THBS2: variants seen among roughly 807,000 people sequenced by gnomAD.
THBS2 encodes thrombospondin-2.
Under a neutral mutation model 135.2 loss-of-function variants are expected in THBS2, and 47 were observed. That is an observed-to-expected ratio of 0.35 (90% CI 0.28 to 0.44). The LOEUF (loss-of-function observed/expected upper bound fraction) is 0.44, where lower values mean the gene tolerates loss of function less well. Ranked by LOEUF, THBS2 falls within the 20% of genes least tolerant of loss-of-function variation. THBS2 has a pLI of 1.00. For missense variants in THBS2, 1,288 were observed against 1,603.1 expected (o/e 0.80, Z 3.36); for synonymous variants, 639 against 633.8 (o/e 1.01, Z -0.12).
chr6:169,237,784 C>T lies in THBS2; in HGVS notation c.1141G>A (p.Glu381Lys). Residue 381 changes from glutamate (E) to lysine (K), a missense_variant, in exon 8 of 22, where the codon GAG becomes AAG. By Grantham distance (56) the Glu-to-Lys change is moderately conservative. This residue lies in a region of THBS2 where 874 missense variants were observed against 1,156.1 expected (regional missense o/e 0.76). Coordinates refer to ENST00000617924, the MANE Select transcript of THBS2 (RefSeq NM_003247.5). ...CPSCLHSVDG[E>K]EGWSPWAEWT... ...TCTGCCCACGGAGACCAGCCCTCCT[C>T]ACCGTCCACCGCTGCCAGAGGAAGC... is the stretch of plus-strand genomic sequence containing the variant. The T allele has an allele frequency of 6.2e-7, 1 of 1,609,962 alleles. No homozygotes were observed. Among genetic ancestry groups the T allele is most frequent in the Non-Finnish European group, 8.5e-7 (1 of 1,179,558 alleles).
At chr6:169,226,010 G>A (rs540326959) in intron 16 of THBS2, among the ~76,000 whole-genome samples, 170 bp downstream of exon 16, 25 of 152,364 alleles carry the variant, frequency 1.6e-4, no homozygotes, top group Non-Finnish European at 3.1e-4. Context: ...AACTCCCAAG[G>A]CCCCATGGAG....
chr6:169,231,689 T>C (rs1779838871), intron 13 of THBS2, among the ~76,000 whole-genome samples: 1 of 152,220 alleles, frequency 6.6e-6, no homozygotes, highest in Non-Finnish European at 1.5e-5. Flanking sequence ...GCGTCCTCCC[T>C]CTGCTCAGTT....
Position 169,222,488 on chromosome 6 carries a change from GT to G in THBS2, c.3002-21del. 6.2e-7 allele frequency: 1 copy of G among 1,604,826 alleles called. No homozygotes were observed. Among genetic ancestry groups the G allele is most frequent in the South Asian group, 1.1e-5 (1 of 90,148 alleles). ...CAAAACCTGGATGCAACGCCATAAG[GT>G]TTCGTTAGAAACACCTTTCAGGTGG... On this transcript the variant is annotated intron_variant, in intron 18 of 21. Coordinates refer to ENST00000617924, the MANE Select transcript of THBS2 (RefSeq NM_003247.5).
At position 169,222,517 on chromosome 6, in the gene THBS2, G is replaced by T. The variant is rs776905275; in HGVS notation, c.3002-49C>A. ...CGTTAGAAACACCTTTCAGGTGGCC[G>T]GGAGTAGTGACTCATGCCTGTAATC... On this transcript the variant is annotated intron_variant, in intron 18 of 21. Transcript: ENST00000617924. 4 of 1,578,504 alleles carry T rather than the reference G, an allele frequency of 2.5e-6. No homozygotes were observed. In the South Asian group the frequency reaches 4.8e-5, roughly 19 times the overall value.
At chr6:169,231,114 T>C (rs941502610) in intron 13 of THBS2, among the ~76,000 whole-genome samples, 1 of 152,118 alleles carries the variant, frequency 6.6e-6, no homozygotes, top group Non-Finnish European at 1.5e-5. Flanking sequence ...GGATGTCACC[T>C]GATATGGCTG....
rs369848438 is a variant in THBS2, at chr6:169,232,202, C to T, written c.1933-4G>A. ...ATGGGTTTTCGGGCTCACACACCTA[C>T]GGGGAGAAGGGCTGCGGGGTTAGCG... On this transcript the variant is annotated splice_polypyrimidine_tract_variant and splice_region_variant and intron_variant, in intron 12 of 21. Transcript: ENST00000617924. The T allele has an allele frequency of 1.3e-5, 21 of 1,610,716 alleles. No individual in the cohort carries two copies. Among genetic ancestry groups the T allele is most frequent in the Middle Eastern group, 1.6e-4 (1 of 6,076 alleles).
In THBS2 at chr6:169,225,300, T is replaced by A. The variant is rs2114981742; in HGVS notation, c.2618A>T (p.Gln873Leu). Residue 873 changes from glutamine (Q) to leucine (L), a missense_variant, in exon 17 of 22, where the codon CAG becomes CTG. By Grantham distance (113) the Gln-to-Leu change is moderately radical. Around this residue, in one of 2 missense-constraint regions of THBS2, gnomAD observed 874 missense variants for 1,156.1 expected, o/e 0.76. Transcript: ENST00000617924. ...GTTGGAGATGTAGGGGCAGTTGTCC[T>A]GGTTGTTCTGGTGGCCGTCGTCATC... ...DIDDDGHQNN[Q>L]DNCPYISNAN... 1 of 1,592,888 alleles carries A rather than the reference T, an allele frequency of 6.3e-7. No homozygotes were observed. Among genetic ancestry groups the A allele is most frequent in the Non-Finnish European group, 8.6e-7 (1 of 1,169,280 alleles).
chr6:169,229,828 G>A (rs563095804), intron 13 of THBS2, 149 bp from the exon 14 acceptor site: 9 of 605,352 alleles, frequency 1.5e-5, no homozygotes, highest in African/African-American at 1.5e-4. Context: ...AGAGGAGCCA[G>A]GAGGCCAGAA....
chr6:169,232,704 G>T lies in THBS2; in HGVS notation c.1892C>A (p.Pro631His), dbSNP rs1396361222. The T allele has an allele frequency of 6.2e-7, 1 of 1,613,536 alleles. No individual in the cohort carries two copies. Among genetic ancestry groups the T allele is most frequent in the Admixed American group, 1.7e-5 (1 of 59,928 alleles). ...GGCTGCTTCCAGGCCGACCCCGACG[G>T]GCTGGTTCCCTCTGTATCGGGGCGG... ...PCPPRYRGNQ[P>H]VGVGLEAAKT... Residue 631 changes from proline (P) to histidine (H), a missense_variant, in exon 12 of 22, where the codon CCC (proline) becomes CAC (histidine). By Grantham distance (77) the Pro-to-His change is moderately conservative (BLOSUM62 -2). Around this residue, in one of 2 missense-constraint regions of THBS2, gnomAD observed 874 missense variants for 1,156.1 expected, o/e 0.76. Transcript: ENST00000617924.
Position 169,228,548 on chromosome 6 carries a change from G to A in THBS2, c.2260-267C>T, listed in dbSNP as rs1779720889. Among the ~76,000 whole-genome samples, 4 of 151,790 alleles carry A rather than the reference G, an allele frequency of 2.6e-5. No individual in the cohort carries two copies. In the South Asian group the frequency reaches 8.3e-4, roughly 32 times the overall value. On this transcript the variant is annotated intron_variant, in intron 14 of 21. Transcript: ENST00000617924. The stretch of plus-strand genomic sequence containing the variant: ...TTTAATCCCAGCACTATGGGAGGCT[G>A]AGGCGGGCGGATCACCTGAGGTCAG...
chr6:169,217,969 GATGAA>G, intron 21 of THBS2, 140 bp from the exon 22 acceptor site: 1 of 696,864 alleles, frequency 1.4e-6, no homozygotes, highest in East Asian at 3.1e-5. Flanking sequence ...TGGATGGATG[GATGAA>G]ATGGATGGGT....
rs534857542 is a variant in THBS2, at chr6:169,223,377, C to G, written c.2872G>C (p.Asp958His). Reference protein sequence around the residue: ...CPENNAISETDFRNFQMVPLD... With the variant: ...CPENNAISETHFRNFQMVPLD... ...GGGACCATCTGGAAGTTCCTGAAGT[C>G]TGTCTCACTGATGGCATTGTTTTCA... The change falls in exon 18 of 22, where the codon GAC becomes CAC. Residue 958 changes from aspartate (D) to histidine (H), a missense_variant. Transcript: ENST00000617924. 4 of 1,614,196 alleles carry G rather than the reference C, an allele frequency of 2.5e-6. No homozygotes were observed. Among genetic ancestry groups the G allele is most frequent in the Non-Finnish European group, 3.4e-6 (4 of 1,180,046 alleles).
At position 169,217,631 on chromosome 6, in the gene THBS2, A is replaced by C. The variant is rs8089; in HGVS notation, c.*191T>G. ...CTAGTGGGTTAGATGTTCATCTCTG[A>C]GTTCCATTGATATTTATCCTCTGAA... On this transcript the variant is annotated 3_prime_UTR_variant, in exon 22 of 22. Coordinates refer to ENST00000617924, the MANE Select transcript of THBS2 (RefSeq NM_003247.5). 117,407 of 545,236 alleles carry C rather than the reference A, an allele frequency of 0.22. 13,710 individuals carry two copies. Among genetic ancestry groups the C allele is most frequent in the Non-Finnish European group, 0.25 (76,438 of 309,586 alleles). The allele number at this position is 545,236 out of a possible 1,614,324, so 33.8% of individuals were successfully genotyped here. A position where few individuals can be genotyped will look rare whatever the true frequency, so the allele number is the denominator to read the frequency against.
chr6:169,243,319 G>A (rs1394506928), intron 4 of THBS2, among the ~76,000 whole-genome samples: 3 of 152,196 alleles, frequency 2.0e-5, no homozygotes, highest in Admixed American at 6.5e-5. Flanking sequence ...ACGGAGGCGG[G>A]GTCCAGTCCT....
intron 18 of THBS2, among the ~76,000 whole-genome samples, 197 bp downstream of exon 18, chr6:169,223,051 C>A (rs555318634): frequency 6.6e-6 from 1 of 152,302 alleles, no homozygotes; most frequent in South Asian, 2.1e-4. Flanking sequence ...ACTGAAATTT[C>A]AGAGACTTCA....
chr6:169,229,518 G>C, intron 14 of THBS2, 54 bp downstream of exon 14: 1 of 1,480,440 alleles, frequency 6.8e-7, no homozygotes. Context: ...GGCCTCCTGT[G>C]GACCTCGCTG....
Position 169,217,817 on chromosome 6 carries a change from C to T in THBS2, c.*5G>A, listed in dbSNP as rs201197808. ...GGGCATTGCCGGAAATGCAGCAAAT[C>T]TTGTTTAAATATCTACAAAAAGAAA... On this transcript the variant is annotated 3_prime_UTR_variant, in exon 22 of 22. Coordinates refer to ENST00000617924, the MANE Select transcript of THBS2 (RefSeq NM_003247.5). 1.1e-3 allele frequency: 1,788 copies of T among 1,601,156 alleles called. 32 individuals carry two copies. The South Asian group carries it at 0.019, about 17-fold the overall frequency.
chr6:169,250,606 T>C, intron 2 of THBS2, 127 bp downstream of exon 2: 1 of 681,032 alleles, frequency 1.5e-6, no homozygotes, highest in Non-Finnish European at 2.4e-6. Context: ...ATTTGATTTA[T>C]AAAGGAGCTA....
intron 9 of THBS2, among the ~76,000 whole-genome samples, chr6:169,236,373 T>TC (rs1306311216): frequency 2.6e-5 from 1 of 38,230 alleles, no homozygotes; most frequent in Non-Finnish European, 4.8e-5. Flanking sequence ...CCACACTCAC[T>TC]CCCATCCACA....
Sources: gnomAD v4.1 joint callset for allele counts (sites outside exome capture counted in the v4.1 genomes callset) on GRCh38, gnomAD v4.1.1 for gene constraint, gnomAD v4.1.1 regional missense constraint, MANE v1.5 for transcripts, NCBI Gene and HGNC (gene_info 2026-07-23, HGNC 2026-07-21) for gene names.